DLG2: variants seen among roughly 807,000 people sequenced by gnomAD.
DLG2 encodes discs large MAGUK scaffold protein 2, also known as disks large homolog 2.
Under a neutral mutation model 132.5 loss-of-function variants are expected in DLG2, and 45 were observed. That is an observed-to-expected ratio of 0.34 (90% confidence interval 0.27 to 0.44). The LOEUF (loss-of-function observed/expected upper bound fraction) is 0.44, where lower values mean the gene tolerates loss of function less well. DLG2 is among the 20% of genes least tolerant of loss of function. The probability of loss-of-function intolerance (pLI) is 1.00; values close to 1 mark genes in which losing one functional copy is unlikely to be tolerated. For missense variants in DLG2, 1,045 were observed against 1,196.9 expected, an observed-to-expected ratio of 0.87 and a Z score of 1.87; for synonymous variants, 424 against 419.6, an observed-to-expected ratio of 1.01 and a Z score of -0.13.
chr11:84,011,200 G>A (rs968786261), intron 11 of DLG2, among the ~76,000 whole-genome samples: 5 of 152,074 alleles, frequency 3.3e-5, no homozygotes, highest in African/African-American at 1.2e-4. Flanking sequence ...GCTGGGCATG[G>A]CATTTTATGC....
At chr11:84,141,327 AATAT>A (rs1221326082) in intron 9 of DLG2, among the ~76,000 whole-genome samples, 5 of 151,590 alleles carry the variant, frequency 3.3e-5, no homozygotes, top group African/African-American at 1.2e-4. Context: ...AATGTATATA[AATAT>A]ATATGAAACA....
At chr11:84,173,602 ATT>A (rs2095871394) in intron 8 of DLG2, among the ~76,000 whole-genome samples, 1 of 152,154 alleles carries the variant, frequency 6.6e-6, no homozygotes, top group Non-Finnish European at 1.5e-5. Context: ...AGTCAAGAAT[ATT>A]TTCTTTTACT....
At chr11:85,137,064 G>T (rs2076182361) in intron 5 of DLG2, among the ~76,000 whole-genome samples, 1 of 151,826 alleles carries the variant, frequency 6.6e-6, no homozygotes, top group African/African-American at 2.4e-5. Flanking sequence ...GAAGGTATTT[G>T]CAAATAAAAA....
chr11:85,186,935 C>T (rs993891520), intron 4 of DLG2, among the ~76,000 whole-genome samples: 5 of 151,852 alleles, frequency 3.3e-5, no homozygotes, highest in African/African-American at 1.2e-4. Flanking sequence ...CAGCCCATAT[C>T]GATAATGAAT....
chr11:85,482,938 T>C (rs2093333791), intron 3 of DLG2, among the ~76,000 whole-genome samples: 1 of 152,196 alleles, frequency 6.6e-6, no homozygotes, highest in African/African-American at 2.4e-5. Context: ...GATATATATC[T>C]GCTATATAAG....
chr11:84,649,913 G>A (rs1335258468), intron 6 of DLG2, among the ~76,000 whole-genome samples: 1 of 152,110 alleles, frequency 6.6e-6, no homozygotes, highest in Non-Finnish European at 1.5e-5. Flanking sequence ...AGAAATCCTA[G>A]AGATGACTCT....
chr11:83,999,038 G>A (rs987909656), intron 11 of DLG2, among the ~76,000 whole-genome samples: 10 of 152,116 alleles, frequency 6.6e-5, no homozygotes, highest in African/African-American at 1.4e-4. Flanking sequence ...AAACATTCCC[G>A]CCTTGCCAGC....
intron 10 of DLG2, among the ~76,000 whole-genome samples, chr11:84,071,677 A>C (rs1180505907): frequency 3.3e-5 from 5 of 152,148 alleles, no homozygotes; most frequent in African/African-American, 1.2e-4. Context: ...TATTGCCAGA[A>C]TGGTGTTATT....
intron 19 of DLG2, among the ~76,000 whole-genome samples, chr11:83,581,367 CAG>C (rs1397157022): frequency 6.6e-6 from 1 of 152,062 alleles, no homozygotes; most frequent in Admixed American, 6.5e-5. Context: ...ATTCAAGAAA[CAG>C]AACACAGAAT....
intron 17 of DLG2, among the ~76,000 whole-genome samples, chr11:83,795,417 ATATC>A (rs1566990382): frequency 2.8e-5 from 4 of 142,504 alleles, no homozygotes; most frequent in African/African-American, 8.2e-5. Context: ...AAGAAAAAAA[ATATC>A]TATATCTATA....
At chr11:84,666,383 C>T (rs923724214) in intron 6 of DLG2, among the ~76,000 whole-genome samples, 21 of 152,132 alleles carry the variant, frequency 1.4e-4, no homozygotes, top group Admixed American at 1.4e-3. Context: ...GGAACTGAGA[C>T]ATTGATTCTG....
At chr11:84,138,695 T>A (rs2094706907) in intron 9 of DLG2, among the ~76,000 whole-genome samples, 1 of 152,170 alleles carries the variant, frequency 6.6e-6, no homozygotes, top group South Asian at 2.1e-4. Context: ...ACGCCCATAA[T>A]CCCAGAACTT....
At chr11:85,403,283 T>A (rs1003661170) in intron 3 of DLG2, among the ~76,000 whole-genome samples, 1 of 151,304 alleles carries the variant, frequency 6.6e-6, no homozygotes, top group African/African-American at 2.4e-5. Flanking sequence ...ATAGGTGGAG[T>A]TGAACAACAA....
intron 3 of DLG2, among the ~76,000 whole-genome samples, chr11:85,484,439 C>T (rs1227352598): frequency 2.7e-5 from 4 of 150,754 alleles, no homozygotes; most frequent in Non-Finnish European, 4.4e-5. Flanking sequence ...AGAAAATATT[C>T]GCAACCTACT....
intron 3 of DLG2, among the ~76,000 whole-genome samples, chr11:85,296,881 T>C (rs2079258815): frequency 6.7e-6 from 1 of 149,932 alleles, no homozygotes; most frequent in East Asian, 1.9e-4. Flanking sequence ...ATGATGTAAT[T>C]TTATTATATA....
chr11:84,173,923 T>C (rs1596610953), intron 8 of DLG2, among the ~76,000 whole-genome samples: 1 of 151,768 alleles, frequency 6.6e-6, no homozygotes, highest in Admixed American at 6.6e-5. Flanking sequence ...GTGATGACCA[T>C]TTATTTTACT....
intron 3 of DLG2, among the ~76,000 whole-genome samples, chr11:85,523,244 G>A (rs1435115123): frequency 2.0e-5 from 3 of 152,140 alleles, no homozygotes; most frequent in Non-Finnish European, 4.4e-5. Flanking sequence ...CCACTGCCAT[G>A]TGAAGAAGGA....
At chr11:85,040,607 T>C (rs929206110) in intron 6 of DLG2, among the ~76,000 whole-genome samples, 1 of 151,984 alleles carries the variant, frequency 6.6e-6, no homozygotes, top group African/African-American at 2.4e-5. Context: ...TGCTCTGCCT[T>C]GTGAACTTTT....
intron 7 of DLG2, among the ~76,000 whole-genome samples, chr11:84,317,883 T>C (rs556905290): frequency 6.6e-6 from 1 of 152,350 alleles, no homozygotes; most frequent in South Asian, 2.1e-4. Context: ...ATCACGATTA[T>C]GCATTTTAGT....
Sources: allele counts gnomAD v4.1 joint callset (sites outside exome capture counted in the v4.1 genomes callset), GRCh38; gene constraint gnomAD v4.1.1; transcripts MANE v1.5; gene names NCBI Gene and HGNC (gene_info 2026-07-23, HGNC 2026-07-21).